Variants in CPT1C observed in about 807,000 individuals in gnomAD.
CPT1C encodes the protein carnitine palmitoyltransferase 1C.
Under a neutral mutation model 97.3 loss-of-function variants are expected in CPT1C, and 61 were observed. That is an observed-to-expected ratio of 0.63 (90% CI 0.51 to 0.78). CPT1C has a LOEUF of 0.78. Ranked by LOEUF, CPT1C falls within the 30% of genes least tolerant of loss-of-function variation. CPT1C has a pLI of 0.00. For missense variants in CPT1C, 975 were observed against 1,065.5 expected, an observed-to-expected ratio of 0.92 and a Z score of 1.18; for synonymous variants, 469 against 447.2, an observed-to-expected ratio of 1.05 and a Z score of -0.61.
At chr19:49,693,982 G>A (rs1445162850) in intron 3 of CPT1C, among the ~76,000 whole-genome samples, 1 of 151,872 alleles carries the variant, frequency 6.6e-6, no homozygotes, top group African/African-American at 2.4e-5. Context: ...GGAGAATGGC[G>A]TGAATCCGGG....
chr19:49,694,087 A>AT lies in CPT1C; in HGVS notation c.141+1694_141+1695insT, dbSNP rs773626176. ...CTCAAAAAAAAATAAAATAAAATAAAAAATAAATAAATAAATAAATAAATA... is the reference window on the plus strand; with the variant it reads ...CTCAAAAAAAAATAAAATAAAATAAATAAATAAATAAATAAATAAATAAATA... On this transcript the variant is annotated intron_variant, in intron 3 of 19. Coordinates refer to ENST00000598293, the MANE Select transcript of CPT1C (RefSeq NM_001199753.2). 9.5e-3 allele frequency among the ~76,000 whole-genome samples: 1,024 copies of AT among 107,530 alleles called. 8 individuals carry two copies. The highest frequency in any genetic ancestry group is 0.027 in the Middle Eastern group (5 of 186). The allele number at this position is 107,530 out of a possible 152,430, so 70.5% of individuals were successfully genotyped here. A position where few individuals can be genotyped will look rare whatever the true frequency, so the allele number is the denominator to read the frequency against.
intron 16 of CPT1C, chr19:49,711,404 G>T: frequency 5.6e-6 from 1 of 177,404 alleles, no homozygotes; most frequent in Non-Finnish European, 1.2e-5. Context: ...AATGCACCTG[G>T]CTGGAACTCC....
chr19:49,700,771 C>T lies in CPT1C; in HGVS notation c.369C>T (p.His123=), dbSNP rs769794715. The T allele has an allele frequency of 7.4e-6, 12 of 1,613,366 alleles. No homozygotes were observed. Among genetic ancestry groups the T allele is most frequent in the Middle Eastern group, 3.3e-4 (2 of 6,062 alleles). The stretch of plus-strand genomic sequence containing the variant: ...GGGGAGCCCTGATCTTCACACTGCA[C>T]GTGGCCCTGAGGCTGCTTCTGTCCT... ...CLWGALIFTL[H]VALRLLLSYH... is the part of the protein sequence containing the mutation. Residue 123 remains histidine (H), a synonymous_variant, in exon 5 of 20, where the codon CAC becomes CAT. Coordinates refer to ENST00000598293, the MANE Select transcript of CPT1C (RefSeq NM_001199753.2).
intron 14 of CPT1C, among the ~76,000 whole-genome samples, chr19:49,709,049 G>A (rs1010273180): frequency 7.5e-6 from 1 of 133,640 alleles, no homozygotes; most frequent in African/African-American, 2.8e-5. Flanking sequence ...AACTCCAACC[G>A]TCCTCCCACT....
chr19:49,701,295 C>T, intron 5 of CPT1C, 22 bp from the exon 6 acceptor site: 10 of 1,600,636 alleles, frequency 6.2e-6, no homozygotes, highest in Non-Finnish European at 8.5e-6. Context: ...GGGTTAATGA[C>T]CCGGTAACTC....
intron 9 of CPT1C, 38 bp from the exon 10 acceptor site, chr19:49,705,176 G>A (rs2083431534): frequency 6.2e-7 from 1 of 1,613,662 alleles, no homozygotes; most frequent in African/African-American, 1.3e-5. Flanking sequence ...GGCCACGTGG[G>A]TCCTGGAAGG....
At position 49,710,841 on chromosome 19, in the gene CPT1C, A is replaced by G; in HGVS notation, c.1850A>G (p.Glu617Gly). 6.2e-7 allele frequency: 1 copy of G among 1,612,778 alleles called. No individual in the cohort carries two copies. Among genetic ancestry groups the G allele is most frequent in the Non-Finnish European group, 8.5e-7 (1 of 1,178,958 alleles). The change falls in exon 16 of 20, where the codon GAG (glutamate) becomes GGG (glycine). Residue 617 changes from glutamate (E) to glycine (G), a missense_variant. Glu to Gly is a moderately conservative substitution (Grantham distance 98, BLOSUM62 -2). Transcript: ENST00000598293. Reference protein sequence around the residue: ...REACNFVRAMEDKEKTDPQCL... With the variant: ...REACNFVRAMGDKEKTDPQCL... ...GCCTGCAACTTTGTCAGGGCCATGG[A>G]GGACAAAGAGAAGACGGTGGGTGCA...
chr19:49,701,282 G>A, intron 5 of CPT1C, 35 bp from the exon 6 acceptor site: 1 of 1,577,000 alleles, frequency 6.3e-7, no homozygotes, highest in Non-Finnish European at 8.7e-7. Context: ...TGGCTCCGGT[G>A]AGGGGTTAAT....
intron 17 of CPT1C, chr19:49,712,530 A>C: frequency 1.7e-6 from 1 of 576,048 alleles, no homozygotes; most frequent in Non-Finnish European, 3.1e-6. Flanking sequence ...GGTCCGAGGG[A>C]GAAGAGGAGA....
Position 49,711,844 on chromosome 19 carries a change from G to A in CPT1C, c.1902G>A (p.Val634=). Residue 634 remains valine (V), a synonymous_variant, in exon 17 of 20, where the codon GTG becomes GTA. Coordinates refer to ENST00000598293, the MANE Select transcript of CPT1C (RefSeq NM_001199753.2). ...GCCTCGCCCTGTTCCGCGTGGCAGT[G>A]GACAAGCACCAGGCTCTGCTGAAGG... ...PQCLALFRVA[V]DKHQALLKAA... is the part of the protein sequence containing the mutation. The A allele has an allele frequency of 6.2e-7, 1 of 1,613,812 alleles. No homozygotes were observed. Among genetic ancestry groups the A allele is most frequent in the African/African-American group, 1.3e-5 (1 of 75,074 alleles).
rs2083063217 is a variant in CPT1C, at chr19:49,701,604, G to A, written c.663G>A (p.Leu221=). 2 of 1,609,032 alleles carry A rather than the reference G, an allele frequency of 1.2e-6. No individual in the cohort carries two copies. Among genetic ancestry groups the A allele is most frequent in the African/African-American group, 1.3e-5 (1 of 74,564 alleles). The change falls in exon 7 of 20, where the codon CTG becomes CTA. Residue 221 remains leucine, a synonymous_variant. Coordinates refer to ENST00000598293, the MANE Select transcript of CPT1C (RefSeq NM_001199753.2). The stretch of plus-strand genomic sequence containing the variant: ...AGGCGTCGCTGCTGCAGTGGTACCT[G>A]CGGCTCAAGTCCTGGTGGGCGTCCA... ...RLQASLLQWY[L]RLKSWWASNY... is the part of the protein sequence containing the mutation.
intron 10 of CPT1C, 71 bp from the exon 11 acceptor site, chr19:49,705,838 T>G (rs7249356): frequency 0.25 from 345,917 of 1,369,954 alleles, 46,548 homozygotes; most frequent in Middle Eastern, 0.32. Flanking sequence ...CTAAGAAGTA[T>G]ATAATAAATG....
At chr19:49,696,320 T>C (rs78576345) in intron 3 of CPT1C, among the ~76,000 whole-genome samples, 6,561 of 152,300 alleles carry the variant, frequency 0.043, 493 homozygotes, top group African/African-American at 0.15. Flanking sequence ...TCTCTGAGGC[T>C]TCCAAAGGAG....
chr19:49,704,006 C>A (rs77732657), intron 7 of CPT1C, among the ~76,000 whole-genome samples: 1 of 152,038 alleles, frequency 6.6e-6, no homozygotes, highest in Non-Finnish European at 1.5e-5. Flanking sequence ...ACAACAACAA[C>A]AAAAAACCCT....
At chr19:49,704,959 G>A in intron 8 of CPT1C, 48 bp from the exon 9 acceptor site, 1 of 1,521,252 alleles carries the variant, frequency 6.6e-7, no homozygotes, top group African/African-American at 1.4e-5. Flanking sequence ...CTCCATCGGG[G>A]GCAAACCTGA....
chr19:49,694,857 T>G (rs1255915054), intron 3 of CPT1C, among the ~76,000 whole-genome samples: 1 of 151,504 alleles, frequency 6.6e-6, no homozygotes, highest in Non-Finnish European at 1.5e-5. Context: ...GTGACCATCC[T>G]TGGCCAGGCA....
chr19:49,707,090 T>C (rs1010229497), intron 12 of CPT1C, among the ~76,000 whole-genome samples: 40 of 151,622 alleles, frequency 2.6e-4, no homozygotes, highest in African/African-American at 9.7e-4. Flanking sequence ...GCCTGGCCAA[T>C]ATGGTGAAAC....
chr19:49,705,969 T>C lies in CPT1C; in HGVS notation c.1025T>C (p.Phe342Ser). ...GCTGTCTTCCACCGGGGCCGATTCTTCCGCATGGGGACCCACTCCCGAAAC... is the reference window on the plus strand; with the variant it reads ...GCTGTCTTCCACCGGGGCCGATTCTCCCGCATGGGGACCCACTCCCGAAAC... ...HVAVFHRGRF[F>S]RMGTHSRNSL... The change falls in exon 11 of 20, where the codon TTC (phenylalanine) becomes TCC (serine). Residue 342 changes from phenylalanine (F) to serine (S), a missense_variant. Physicochemically the swap from Phe to Ser is radical, Grantham distance 155. Around this residue, in one of 3 missense-constraint regions of CPT1C, gnomAD observed 596 missense variants for 603.1 expected, o/e 0.99. Coordinates refer to ENST00000598293, the MANE Select transcript of CPT1C (RefSeq NM_001199753.2). 6.2e-7 allele frequency: 1 copy of C among 1,613,854 alleles called. No homozygotes were observed. The highest frequency in any genetic ancestry group is 8.5e-7 in the Non-Finnish European group (1 of 1,179,922).
At chr19:49,712,140 C>T (rs947974855) in intron 17 of CPT1C, 179 bp downstream of exon 17, 111 of 711,654 alleles carry the variant, frequency 1.6e-4, no homozygotes, top group Non-Finnish European at 2.2e-4. Flanking sequence ...GTCAAGAGTT[C>T]GAGACCAGCC....
Sources: gnomAD v4.1 joint callset for allele counts (sites outside exome capture counted in the v4.1 genomes callset) on GRCh38, gnomAD v4.1.1 for gene constraint, gnomAD v4.1.1 regional missense constraint, MANE v1.5 for transcripts, NCBI Gene and HGNC (gene_info 2026-07-23, HGNC 2026-07-21) for gene names.